HS3ST4: variants seen among roughly 807,000 people sequenced by gnomAD.
HS3ST4 encodes the protein heparan sulfate-glucosamine 3-sulfotransferase 4.
Under a neutral mutation model 29.2 loss-of-function variants are expected in HS3ST4, and 17 were observed. The observed-to-expected ratio is 0.58, with a 90% confidence interval of 0.40 to 0.87. The LOEUF is 0.87. Ranked by LOEUF, HS3ST4 falls within the 40% of genes least tolerant of loss-of-function variation. The probability of loss-of-function intolerance (pLI) is 0.00; values close to 1 mark genes in which losing one functional copy is unlikely to be tolerated. For synonymous variants in HS3ST4, 314 were observed against 285.7 expected, an observed-to-expected ratio of 1.10 and a Z score of -1.00; for missense variants, 627 against 634.5, an observed-to-expected ratio of 0.99 and a Z score of 0.13.
At position 25,695,751 on chromosome 16, in the gene HS3ST4, A is replaced by G. The variant is rs539402386; in HGVS notation, c.734+2600A>G. ...AGTTCCTTCCTATAACAGGTATGCT[A>G]TCTGGGATCTATTTGACTGATTAGA... On this transcript the variant is annotated intron_variant, in intron 1 of 1. Transcript: ENST00000331351. Among the ~76,000 whole-genome samples the G allele has an allele frequency of 5.9e-5, 9 of 152,364 alleles. No homozygotes were observed. In the South Asian group the frequency reaches 1.9e-3, roughly 32 times the overall value.
At chr16:25,771,808 A>G (rs954011681) in intron 1 of HS3ST4, among the ~76,000 whole-genome samples, 17 of 152,206 alleles carry the variant, frequency 1.1e-4, no homozygotes, top group African/African-American at 4.1e-4. Context: ...TGAGTGAATG[A>G]GTCTGTGTTC....
chr16:25,753,388 G>A (rs1966733970), intron 1 of HS3ST4, among the ~76,000 whole-genome samples: 1 of 152,146 alleles, frequency 6.6e-6, no homozygotes, highest in Admixed American at 6.5e-5. Context: ...CATAGTCCAG[G>A]TCTCATAACA....
intron 1 of HS3ST4, among the ~76,000 whole-genome samples, chr16:25,838,313 ATCTGAC>A (rs1383596397): frequency 1.8e-4 from 27 of 152,332 alleles, no homozygotes; most frequent in African/African-American, 6.0e-4. Context: ...AGAAGTACTT[ATCTGAC>A]CCGATTCATT....
intron 1 of HS3ST4, among the ~76,000 whole-genome samples, chr16:25,804,194 A>C (rs575212423): frequency 1.3e-5 from 2 of 152,336 alleles, no homozygotes; most frequent in Non-Finnish European, 2.9e-5. Flanking sequence ...AATATATTTT[A>C]TATTTCAGGA....
At chr16:25,703,646 G>C (rs903052356) in intron 1 of HS3ST4, among the ~76,000 whole-genome samples, 1 of 152,176 alleles carries the variant, frequency 6.6e-6, no homozygotes, top group Non-Finnish European at 1.5e-5. Context: ...TAGTTCCAGT[G>C]TGCAGATGGA....
At chr16:25,876,800 G>T (rs1967837768) in intron 1 of HS3ST4, among the ~76,000 whole-genome samples, 1 of 151,990 alleles carries the variant, frequency 6.6e-6, no homozygotes. Flanking sequence ...ACTCATTATT[G>T]ACGCTTCAGT....
At chr16:25,871,655 G>A (rs1967753804) in intron 1 of HS3ST4, among the ~76,000 whole-genome samples, 2 of 152,138 alleles carry the variant, frequency 1.3e-5, no homozygotes, top group African/African-American at 4.8e-5. Flanking sequence ...AGTACAGAGA[G>A]ATTAATTAAC....
At chr16:25,802,159 G>A (rs1180279986) in intron 1 of HS3ST4, among the ~76,000 whole-genome samples, 1 of 151,988 alleles carries the variant, frequency 6.6e-6, no homozygotes, top group Non-Finnish European at 1.5e-5. Context: ...AAGCTGATGA[G>A]TGCTGTGGAG....
chr16:25,726,885 T>C (rs892923587), intron 1 of HS3ST4, among the ~76,000 whole-genome samples: 1 of 152,210 alleles, frequency 6.6e-6, no homozygotes, highest in African/African-American at 2.4e-5. Flanking sequence ...AAGAAATGCA[T>C]ACTTTAAGAA....
At chr16:25,931,800 G>A (rs1411093994) in intron 1 of HS3ST4, among the ~76,000 whole-genome samples, 1 of 152,168 alleles carries the variant, frequency 6.6e-6, no homozygotes, top group Non-Finnish European at 1.5e-5. Flanking sequence ...GGTAATTTAT[G>A]TGTAATGTGT....
chr16:25,939,225 C>T (rs1006261811), intron 1 of HS3ST4, among the ~76,000 whole-genome samples: 1 of 151,958 alleles, frequency 6.6e-6, no homozygotes, highest in South Asian at 2.1e-4. Context: ...CCAAAGTAAC[C>T]AGATCTTACA....
intron 1 of HS3ST4, among the ~76,000 whole-genome samples, chr16:25,854,865 C>T (rs1053920793): frequency 2.6e-5 from 4 of 151,742 alleles, no homozygotes; most frequent in Admixed American, 2.0e-4. Context: ...TGAAAGTTTA[C>T]AAATTTGTGT....
intron 1 of HS3ST4, among the ~76,000 whole-genome samples, chr16:25,828,238 C>T (rs867259513): frequency 1.2e-5 from 1 of 86,944 alleles, no homozygotes; most frequent in Non-Finnish European, 2.3e-5. Context: ...TTCTTTCTTT[C>T]TTTCTCTTTC....
At chr16:26,069,930 CCA>C (rs749489204) in intron 1 of HS3ST4, among the ~76,000 whole-genome samples, 12 of 152,170 alleles carry the variant, frequency 7.9e-5, no homozygotes, top group African/African-American at 2.9e-4. Context: ...TGCATATGTG[CCA>C]CATTTTCTTA....
chr16:25,991,062 A>G (rs1242311157), intron 1 of HS3ST4, among the ~76,000 whole-genome samples: 1 of 148,828 alleles, frequency 6.7e-6, no homozygotes, highest in East Asian at 1.9e-4. Context: ...CCAGGACCTC[A>G]GCATGCTCTC....
chr16:26,125,214 C>G (rs752855640), intron 1 of HS3ST4, among the ~76,000 whole-genome samples: 16 of 152,156 alleles, frequency 1.1e-4, no homozygotes, highest in Non-Finnish European at 1.9e-4. Flanking sequence ...ATTATTTTTG[C>G]TTTAGCACAG....
intron 1 of HS3ST4, among the ~76,000 whole-genome samples, chr16:25,809,599 G>T (rs928209119): frequency 6.6e-6 from 1 of 152,122 alleles, no homozygotes; most frequent in Admixed American, 6.6e-5. Context: ...TTGTTGAAAT[G>T]TTTGGTAGAA....
At chr16:25,921,890 G>T (rs1490291226) in intron 1 of HS3ST4, among the ~76,000 whole-genome samples, 1 of 151,876 alleles carries the variant, frequency 6.6e-6, no homozygotes, top group East Asian at 1.9e-4. Flanking sequence ...AAGTAGCTGG[G>T]ACTACAGGCA....
At chr16:25,951,912 T>C (rs1417864955) in intron 1 of HS3ST4, among the ~76,000 whole-genome samples, 1 of 151,746 alleles carries the variant, frequency 6.6e-6, no homozygotes, top group Non-Finnish European at 1.5e-5. Context: ...AAAACCACCA[T>C]GGCACATATT....
Sources: gnomAD v4.1 joint callset for allele counts (sites outside exome capture counted in the v4.1 genomes callset) on GRCh38, gnomAD v4.1.1 for gene constraint, MANE v1.5 for transcripts, NCBI Gene and HGNC (gene_info 2026-07-23, HGNC 2026-07-21) for gene names.